SRFBP1: variants seen among roughly 807,000 people sequenced by gnomAD.
SRFBP1 encodes serum response factor-binding protein 1.
A neutral mutation model predicts 45.5 loss-of-function variants in SRFBP1; 47 were observed. That is an observed-to-expected ratio of 1.03 (90% confidence interval 0.82 to 1.32). The LOEUF is 1.32. SRFBP1 is among the 40% of genes most tolerant of loss of function. SRFBP1 has a pLI of 0.00. For synonymous variants in SRFBP1, 203 were observed against 166.3 expected, an observed-to-expected ratio of 1.22 and a Z score of -1.70; for missense variants, 621 against 484.6, an observed-to-expected ratio of 1.28 and a Z score of -2.64.
At chr5:121,991,297 A>G (rs1025490101) in intron 3 of SRFBP1, among the ~76,000 whole-genome samples, 12 of 152,170 alleles carry the variant, frequency 7.9e-5, no homozygotes, top group African/African-American at 2.4e-4. Flanking sequence ...TATTATTGAC[A>G]CTATTAAATT....
chr5:122,019,178 A>G (rs944432291), intron 4 of SRFBP1, 82 bp from the exon 5 acceptor site: 96 of 1,164,750 alleles, frequency 8.2e-5, no homozygotes, highest in Non-Finnish European at 1.2e-4. Context: ...TTTAAAGACT[A>G]TGATAGATTT....
At chr5:122,048,687 G>C (rs1219626680) in intron 2 of SRFBP1, among the ~76,000 whole-genome samples, 1 of 152,160 alleles carries the variant, frequency 6.6e-6, no homozygotes, top group East Asian at 1.9e-4. Flanking sequence ...GACTTTTTTT[G>C]ATTGGTAAGC....
intron 2 of SRFBP1, among the ~76,000 whole-genome samples, chr5:122,048,345 G>A (rs191153776): frequency 3.0e-4 from 46 of 152,122 alleles, no homozygotes; most frequent in African/African-American, 8.7e-4. Context: ...GCTGGATTCC[G>A]TTTATTGATT....
chr5:122,037,005 T>A (rs1316257931), intron 2 of SRFBP1, among the ~76,000 whole-genome samples: 1 of 151,842 alleles, frequency 6.6e-6, no homozygotes, highest in African/African-American at 2.4e-5. Flanking sequence ...TTCAAGCAAT[T>A]CTCCTGCCTC....
intron 2 of SRFBP1, among the ~76,000 whole-genome samples, chr5:122,038,595 A>T (rs966640575): frequency 2.6e-5 from 4 of 152,166 alleles, no homozygotes; most frequent in African/African-American, 9.7e-5. Context: ...ATCCACTGAG[A>T]CTCCTGGCTC....
chr5:122,048,688 A>T (rs956584521), intron 2 of SRFBP1, among the ~76,000 whole-genome samples: 1 of 151,792 alleles, frequency 6.6e-6, no homozygotes, highest in Non-Finnish European at 1.5e-5. Context: ...ACTTTTTTTG[A>T]TTGGTAAGCT....
At chr5:122,018,104 G>T (rs565294880) in intron 4 of SRFBP1, among the ~76,000 whole-genome samples, 1 of 152,342 alleles carries the variant, frequency 6.6e-6, no homozygotes, top group African/African-American at 2.4e-5. Context: ...GATCAGCCGT[G>T]TATATATTTG....
At chr5:122,021,277 T>G (rs948360856) in intron 6 of SRFBP1, among the ~76,000 whole-genome samples, 21 of 152,204 alleles carry the variant, frequency 1.4e-4, no homozygotes, top group Non-Finnish European at 2.8e-4. Flanking sequence ...TGCTTTTTAT[T>G]TGATGATGTT....
intron 2 of SRFBP1, among the ~76,000 whole-genome samples, chr5:122,071,193 ATGTGTGTGTGTGTGTG>A (rs35544795): frequency 1.3e-5 from 2 of 149,820 alleles, no homozygotes; most frequent in African/African-American, 4.9e-5. Flanking sequence ...AAACATTTAT[ATGTGTGTGTGTGTGTG>A]TGTGTGTGTG....
intron 4 of SRFBP1, among the ~76,000 whole-genome samples, chr5:122,000,024 T>C (rs1752823353): frequency 6.6e-6 from 1 of 152,088 alleles, no homozygotes; most frequent in African/African-American, 2.4e-5. Flanking sequence ...GTTTTTCTTC[T>C]TTTTTGGTCT....
chr5:122,077,577 C>G (rs2914604), downstream of SRFBP1: 1 of 1,612,840 alleles, frequency 6.2e-7, no homozygotes. The surrounding 1 kb of genome is among the most constrained non-coding windows in gnomAD (Gnocchi z 4.9). Context: ...GAGGCGCCAG[C>G]TTCGCGGGCT....
intron 4 of SRFBP1, among the ~76,000 whole-genome samples, chr5:122,009,927 C>T (rs1445294571): frequency 6.6e-6 from 1 of 152,126 alleles, no homozygotes; most frequent in East Asian, 1.9e-4. Context: ...CCATCCTGAT[C>T]TGTTCAGCTT....
chr5:122,033,830 T>G lies in SRFBP1; in HGVS notation n.311+11423T>G, dbSNP rs188575903. ...TTCTTTTATTTTCAGTTTTTTTTTTTTTTTTTTTTTTGAGACAGAGTCTTG... is the reference window on the plus strand; with the variant it reads ...TTCTTTTATTTTCAGTTTTTTTTTTGTTTTTTTTTTTGAGACAGAGTCTTG... On this transcript the variant is annotated intron_variant and non_coding_transcript_variant, in intron 2 of 2. Transcript: ENST00000504881. 3.7e-3 allele frequency among the ~76,000 whole-genome samples: 552 copies of G among 147,926 alleles called. 5 individuals carry two copies. The highest frequency in any genetic ancestry group is 0.013 in the African/African-American group (501 of 40,076).
At chr5:121,968,039 T>C (rs1380374986) in intron 1 of SRFBP1, among the ~76,000 whole-genome samples, 1 of 152,162 alleles carries the variant, frequency 6.6e-6, no homozygotes, top group African/African-American at 2.4e-5. Context: ...TTTTCTCTTA[T>C]ATATTTTTCA....
intron 6 of SRFBP1, among the ~76,000 whole-genome samples, chr5:122,021,787 C>A (rs894533036): frequency 6.7e-6 from 1 of 149,686 alleles, no homozygotes; most frequent in African/African-American, 2.5e-5. Context: ...AGCAATTCTC[C>A]TGCCTCAGCC....
At chr5:122,074,716 T>C (rs953859577) in intron 2 of SRFBP1, among the ~76,000 whole-genome samples, 4 of 152,240 alleles carry the variant, frequency 2.6e-5, no homozygotes, top group African/African-American at 9.6e-5. Context: ...ATCAGGAAAT[T>C]AAGGGACTTA....
chr5:121,977,840 G>T (rs1041179289), intron 3 of SRFBP1, among the ~76,000 whole-genome samples: 5 of 152,048 alleles, frequency 3.3e-5, no homozygotes. Flanking sequence ...AAAAAAATTG[G>T]CTTGATCTTT....
At chr5:121,964,191 T>C (rs1561572801) in intron 1 of SRFBP1, among the ~76,000 whole-genome samples, 1 of 152,020 alleles carries the variant, frequency 6.6e-6, no homozygotes, top group African/African-American at 2.4e-5. Flanking sequence ...TCTCAAACTT[T>C]AATCTTTTTT....
chr5:121,993,785 CT>C (rs1471880548), intron 3 of SRFBP1, among the ~76,000 whole-genome samples: 4 of 151,992 alleles, frequency 2.6e-5, no homozygotes, highest in Non-Finnish European at 5.9e-5. Flanking sequence ...ATCTGTTTAT[CT>C]TTCCCCTTTC....
Sources: allele counts gnomAD v4.1 joint callset (sites outside exome capture counted in the v4.1 genomes callset), GRCh38; gene constraint gnomAD v4.1.1; non-coding constraint Gnocchi (gnomAD v3.1); transcripts MANE v1.5; gene names NCBI Gene and HGNC (gene_info 2026-07-23, HGNC 2026-07-21).